Variants in ROBO2 observed in about 807,000 individuals in gnomAD.
ROBO2 encodes the protein roundabout homolog 2.
ROBO2 carries 53 observed loss-of-function variants against 160.8 expected under a neutral mutation model. That is an observed-to-expected ratio of 0.33 (90% CI 0.26 to 0.41). The LOEUF (loss-of-function observed/expected upper bound fraction) is 0.41, where lower values mean the gene tolerates loss of function less well. ROBO2 is among the 10% of genes least tolerant of loss of function. The pLI, the probability that ROBO2 is intolerant of heterozygous loss-of-function variation, is 1.00. For missense variants in ROBO2, 1,577 were observed against 1,722.4 expected (o/e 0.92, Z 1.49); for synonymous variants, 664 against 611.7 (o/e 1.09, Z -1.26).
At chr3:76,722,501 G>T (rs563717282) in intron 2 of ROBO2, among the ~76,000 whole-genome samples, 2 of 152,274 alleles carry the variant, frequency 1.3e-5, no homozygotes, top group South Asian at 4.1e-4. Context: ...ACACAATTTA[G>T]TGGGTTTTAG....
chr3:76,626,927 TG>T (rs1488459395), intron 2 of ROBO2, among the ~76,000 whole-genome samples: 1 of 152,124 alleles, frequency 6.6e-6, no homozygotes, highest in African/African-American at 2.4e-5. Context: ...CCTGACCTTG[TG>T]GTCCGCCCGC....
chr3:76,107,445 C>T (rs972224511), intron 2 of ROBO2, among the ~76,000 whole-genome samples: 6 of 152,096 alleles, frequency 3.9e-5, no homozygotes, highest in Non-Finnish European at 7.4e-5. Flanking sequence ...AATCCATTGA[C>T]TTGTCTCCTT....
At chr3:76,955,698 T>G (rs1458944299) in intron 2 of ROBO2, among the ~76,000 whole-genome samples, 1 of 152,122 alleles carries the variant, frequency 6.6e-6, no homozygotes, top group Non-Finnish European at 1.5e-5. Flanking sequence ...CTTATTTAAC[T>G]GGAGTAAGAA....
chr3:76,074,711 A>T (rs553560606), intron 2 of ROBO2, among the ~76,000 whole-genome samples: 4 of 152,334 alleles, frequency 2.6e-5, no homozygotes, highest in Admixed American at 6.5e-5. Flanking sequence ...AAGACTGTTC[A>T]TAGTAAAATA....
At chr3:76,049,397 A>ATTTTT (rs1559867112) in intron 2 of ROBO2, among the ~76,000 whole-genome samples, 4 of 51,810 alleles carry the variant, frequency 7.7e-5, no homozygotes, top group African/African-American at 6.2e-4. Flanking sequence ...ATATATATAT[A>ATTTTT]TATATATTTT....
At chr3:77,310,638 A>G (rs185988043) in intron 2 of ROBO2, among the ~76,000 whole-genome samples, 62 of 152,290 alleles carry the variant, frequency 4.1e-4, no homozygotes, top group Admixed American at 7.8e-4. Context: ...AGATGTCTCA[A>G]AATTAAATGG....
At chr3:76,796,619 A>G (rs1008683270) in intron 2 of ROBO2, among the ~76,000 whole-genome samples, 2 of 152,042 alleles carry the variant, frequency 1.3e-5, no homozygotes, top group East Asian at 3.9e-4. Flanking sequence ...AACATTAACT[A>G]TAAATGGACT....
intron 2 of ROBO2, among the ~76,000 whole-genome samples, chr3:76,265,616 A>C (rs922707215): frequency 6.6e-6 from 1 of 152,110 alleles, no homozygotes; most frequent in Non-Finnish European, 1.5e-5. Flanking sequence ...AGCACCTGCA[A>C]AGTGTTATAT....
intron 2 of ROBO2, among the ~76,000 whole-genome samples, chr3:76,455,658 G>A (rs1340658003): frequency 3.3e-5 from 5 of 151,954 alleles, no homozygotes; most frequent in Non-Finnish European, 7.4e-5. Context: ...ATCCTATAAG[G>A]AGATTTAAAA....
At chr3:77,062,102 C>A (rs981237311) in intron 1 of ROBO2, among the ~76,000 whole-genome samples, 1 of 152,042 alleles carries the variant, frequency 6.6e-6, no homozygotes, top group Non-Finnish European at 1.5e-5. Flanking sequence ...TTTGGGATCC[C>A]TTTTGATGTA....
chr3:77,610,244 T>C (rs2094602541), intron 21 of ROBO2, among the ~76,000 whole-genome samples: 1 of 152,106 alleles, frequency 6.6e-6, no homozygotes, highest in Admixed American at 6.5e-5. Flanking sequence ...CTAGAAAATT[T>C]TTCTATAATT....
At chr3:77,451,495 C>T (rs901221346) in intron 2 of ROBO2, among the ~76,000 whole-genome samples, 1 of 152,066 alleles carries the variant, frequency 6.6e-6, no homozygotes, top group African/African-American at 2.4e-5. Flanking sequence ...CCATAGGGTA[C>T]AGGTATGTTT....
chr3:76,809,982 ATAT>A (rs1254800944), intron 2 of ROBO2, among the ~76,000 whole-genome samples: 2 of 152,118 alleles, frequency 1.3e-5, no homozygotes, highest in African/African-American at 2.4e-5. Context: ...TATTTCAGAG[ATAT>A]TATTATGCAA....
chr3:76,741,325 A>C (rs894027025), intron 2 of ROBO2, among the ~76,000 whole-genome samples: 1 of 152,130 alleles, frequency 6.6e-6, no homozygotes, highest in Non-Finnish European at 1.5e-5. Context: ...AATAAATGAA[A>C]AGTAACTAAT....
At chr3:77,627,794 T>C (rs1398309635) in intron 23 of ROBO2, among the ~76,000 whole-genome samples, 1 of 152,126 alleles carries the variant, frequency 6.6e-6, no homozygotes, top group Non-Finnish European at 1.5e-5. Context: ...GTTGAAAAAA[T>C]GGAGAATGGC....
At chr3:77,228,294 G>C (rs1226360751) in intron 2 of ROBO2, among the ~76,000 whole-genome samples, 1 of 152,026 alleles carries the variant, frequency 6.6e-6, no homozygotes, top group Non-Finnish European at 1.5e-5. Context: ...AGCCTCTGGA[G>C]TAGCTGGGAC....
intron 2 of ROBO2, among the ~76,000 whole-genome samples, chr3:76,427,964 C>T (rs940391644): frequency 3.3e-5 from 5 of 152,036 alleles, no homozygotes; most frequent in African/African-American, 1.2e-4. Flanking sequence ...TTAGAATTTA[C>T]AGGTTTAAAA....
intron 1 of ROBO2, among the ~76,000 whole-genome samples, chr3:75,912,722 C>T (rs1221780042): frequency 3.3e-5 from 5 of 152,236 alleles, no homozygotes; most frequent in Admixed American, 2.0e-4. Context: ...CTAAGTTATA[C>T]ATACTGGTAT....
intron 2 of ROBO2, among the ~76,000 whole-genome samples, chr3:77,326,933 C>T (rs1000824360): frequency 1.6e-4 from 24 of 152,144 alleles, no homozygotes; most frequent in African/African-American, 5.8e-4. Context: ...TAACACTTTA[C>T]TCATTTTGTT....
Sources: allele counts gnomAD v4.1 joint callset (sites outside exome capture counted in the v4.1 genomes callset), GRCh38; gene constraint gnomAD v4.1.1; transcripts MANE v1.5; gene names NCBI Gene and HGNC (gene_info 2026-07-23, HGNC 2026-07-21).